ULK1: variants seen among roughly 807,000 people sequenced by gnomAD.
The protein encoded by ULK1 is unc-51 like autophagy activating kinase 1.
Under a neutral mutation model 117.5 loss-of-function variants are expected in ULK1, and 48 were observed. The ratio of observed to expected loss-of-function variants is 0.41; its 90% confidence interval spans 0.32 to 0.52. The LOEUF is 0.52. ULK1 is among the 20% of genes least tolerant of loss of function. The probability of loss-of-function intolerance (pLI) is 0.29; values close to 1 mark genes in which losing one functional copy is unlikely to be tolerated. For synonymous variants in ULK1, 790 were observed against 637.8 expected, an observed-to-expected ratio of 1.24 and a Z score of -3.60; for missense variants, 1,387 against 1,473.4, an observed-to-expected ratio of 0.94 and a Z score of 0.96.
intron 19 of ULK1, 58 bp downstream of exon 19, chr12:131,916,217 T>A: frequency 1.3e-6 from 2 of 1,581,714 alleles, no homozygotes; most frequent in Non-Finnish European, 1.7e-6. Flanking sequence ...TGTGTGGGAA[T>A]GGCCAGTCCT....
chr12:131,915,453 T>A (rs755021063), intron 18 of ULK1, 32 bp downstream of exon 18: 1 of 1,605,954 alleles, frequency 6.2e-7, no homozygotes, highest in South Asian at 1.1e-5. Flanking sequence ...GAGGGGGTGC[T>A]AGGCTGACCT....
At chr12:131,905,330 C>T (rs925498948) in intron 3 of ULK1, among the ~76,000 whole-genome samples, 2 of 152,116 alleles carry the variant, frequency 1.3e-5, no homozygotes, top group African/African-American at 4.8e-5. Flanking sequence ...GGCTGTCCCC[C>T]CCACCAGGGG....
chr12:131,900,727 C>T (rs1889051854), intron 3 of ULK1, among the ~76,000 whole-genome samples: 1 of 152,270 alleles, frequency 6.6e-6, no homozygotes, highest in South Asian at 2.1e-4. Flanking sequence ...GCCCTGCAGA[C>T]AGAGCCGCTG....
chr12:131,916,151 C>G lies in ULK1; in HGVS notation c.1870C>G (p.Pro624Ala). ...RNPLPPILGS[P>A]TKAVPSFDFP... ...CCCCCTGCCCCCCATCCTGGGCTCC[C>G]CCACCAAGGTAATGGGCACTGCCAT... Residue 624 changes from proline to alanine, a missense_variant, in exon 19 of 28, where the codon CCC (proline) becomes GCC (alanine). Coordinates refer to ENST00000321867, the MANE Select transcript of ULK1 (RefSeq NM_003565.4). 1 of 1,611,582 alleles carries G rather than the reference C, an allele frequency of 6.2e-7. No individual in the cohort carries two copies.
At position 131,910,702 on chromosome 12, in the gene ULK1, T is replaced by C. The variant is rs760166758; in HGVS notation, c.860-10T>C. ...GATGGCCCAGACTGACCTATGCATGTTTATCTCAGCCCCACCCGTGCCTGT... is the reference window on the plus strand; with the variant it reads ...GATGGCCCAGACTGACCTATGCATGCTTATCTCAGCCCCACCCGTGCCTGT... On this transcript the variant is annotated splice_polypyrimidine_tract_variant and intron_variant, in intron 11 of 27. Transcript: ENST00000321867. 3 of 1,613,014 alleles carry C rather than the reference T, an allele frequency of 1.9e-6. No homozygotes were observed. The Admixed American group carries it at 5.0e-5, about 27-fold the overall frequency.
intron 8 of ULK1, among the ~76,000 whole-genome samples, chr12:131,909,444 C>T (rs1012212634): frequency 6.6e-6 from 1 of 152,150 alleles, no homozygotes; most frequent in Non-Finnish European, 1.5e-5. Flanking sequence ...CTGGGAGCTG[C>T]CCCCGGCAAG....
Position 131,902,307 on chromosome 12 carries a change from G to A in ULK1, c.247-4585G>A, listed in dbSNP as rs1889122090. Among the ~76,000 whole-genome samples, 1 of 152,192 alleles carries A rather than the reference G, an allele frequency of 6.6e-6. No homozygotes were observed. The highest frequency in any genetic ancestry group is 6.5e-5 in the Admixed American group (1 of 15,282). On this transcript the variant is annotated intron_variant, in intron 3 of 27. Coordinates refer to ENST00000321867, the MANE Select transcript of ULK1 (RefSeq NM_003565.4). The surrounding 1 kb of genome is among the most constrained non-coding windows in gnomAD (Gnocchi z 6.3). ...GGTCAGTGCCTGCTCACCAGGCCCA[G>A]CCCAGGATCACCAGACAAGAGTAGG...
In ULK1 at chr12:131,917,101, G is replaced by GCTC. The variant is rs780838941; in HGVS notation, c.2182+39_2182+40insCTC. The stretch of plus-strand genomic sequence containing the variant: ...TGGGGCTCGGAGGCTGTGGGATGGG[G>GCTC]GTCGGAGGCTGTGGGATGGGGGTCG... On this transcript the variant is annotated intron_variant, in intron 21 of 27. Coordinates refer to ENST00000321867, the MANE Select transcript of ULK1 (RefSeq NM_003565.4). 74 of 1,341,242 alleles carry GCTC rather than the reference G, an allele frequency of 5.5e-5. 6 individuals are homozygous for GCTC. Among genetic ancestry groups the GCTC allele is most frequent in the South Asian group, 1.0e-4 (7 of 69,586 alleles). 83.1% of individuals were successfully genotyped at this position (1,341,242 alleles called of 1,614,324 possible).
chr12:131,905,065 G>A (rs1889221963), intron 3 of ULK1, among the ~76,000 whole-genome samples: 1 of 152,158 alleles, frequency 6.6e-6, no homozygotes, highest in African/African-American at 2.4e-5. Flanking sequence ...GTGGGCTGAG[G>A]CCTGCCTCAT....
rs770836895 is a variant in ULK1, at chr12:131,921,371, C to A, written c.*10C>A. ...TGGCATCTGTGCCTGACCTTTCTGG[C>A]CTGGCTGGGCCCCCCGTCCTGCCGA... On this transcript the variant is annotated 3_prime_UTR_variant, in exon 28 of 28. Coordinates refer to ENST00000321867, the MANE Select transcript of ULK1 (RefSeq NM_003565.4). 5 of 1,602,106 alleles carry A rather than the reference C, an allele frequency of 3.1e-6. No homozygotes were observed. The Admixed American group carries it at 8.3e-5, about 27-fold the overall frequency.
chr12:131,913,284 AT>A, intron 14 of ULK1, 26 bp downstream of exon 14: 1 of 1,520,036 alleles, frequency 6.6e-7, no homozygotes, highest in Non-Finnish European at 8.8e-7. Flanking sequence ...TTACCTCTGT[AT>A]TTTAGGGGAG....
At chr12:131,898,065 G>GA (rs1282874836) in intron 3 of ULK1, 2 of 152,258 alleles carry the variant, frequency 1.3e-5, no homozygotes, top group African/African-American at 4.8e-5. Flanking sequence ...CTTCCTCTGT[G>GA]AAGCAGAAAG....
chr12:131,919,754 G>A (rs1672516751), intron 25 of ULK1, 164 bp downstream of exon 25: 1 of 1,036,910 alleles, frequency 9.6e-7, no homozygotes, highest in Non-Finnish European at 1.4e-6. Flanking sequence ...AGGCCATTGG[G>A]TCGGACAGCA....
Position 131,921,335 on chromosome 12 carries a change from G to A in ULK1, c.3127G>A (p.Ala1043Thr). The change falls in exon 28 of 28, where the codon GCG becomes ACG. Residue 1043 changes from alanine (A) to threonine (T), a missense_variant. By Grantham distance (58) the Ala-to-Thr change is moderately conservative. Transcript: ENST00000321867. ...CKLCIERRLS[A>T]LLTGICA is the part of the protein sequence containing the mutation. ...GCTGTGCATTGAGCGGAGACTCTCG[G>A]CGCTGCTGACTGGCATCTGTGCCTG... The A allele has an allele frequency of 6.2e-7, 1 of 1,605,764 alleles. No individual in the cohort carries two copies. The highest frequency in any genetic ancestry group is 8.5e-7 in the Non-Finnish European group (1 of 1,179,944).
At chr12:131,895,552 G>C in intron 1 of ULK1, 49 bp from the exon 2 acceptor site, 2 of 1,531,060 alleles carry the variant, frequency 1.3e-6, no homozygotes, top group Non-Finnish European at 1.8e-6. Context: ...GTCTGGGGGA[G>C]GCCTGCGAGG....
intron 22 of ULK1, 50 bp from the exon 23 acceptor site, chr12:131,918,447 C>T: frequency 6.4e-7 from 1 of 1,556,200 alleles, no homozygotes; most frequent in Non-Finnish European, 8.7e-7. Context: ...TGGATGGGGG[C>T]CACGGTGTCT....
At chr12:131,914,549 A>G (rs1466113274) in intron 16 of ULK1, 72 bp downstream of exon 16, 9 of 1,543,806 alleles carry the variant, frequency 5.8e-6, no homozygotes, top group Admixed American at 3.8e-5. Flanking sequence ...CACGGCTCCC[A>G]TAGAGGGACA....
At chr12:131,910,634 G>C (rs1383729995) in intron 11 of ULK1, 78 bp from the exon 12 acceptor site, 4 of 1,612,170 alleles carry the variant, frequency 2.5e-6, no homozygotes, top group Non-Finnish European at 3.4e-6. Flanking sequence ...GGTTGAGCTT[G>C]TCCAGTCTGT....
Position 131,915,882 on chromosome 12 carries a change from T to C in ULK1, c.1610-9T>C, listed in dbSNP as rs1343930216. ...CCGGAAGGTCGTGACGAGGCGTGTCTCTCTCTAGGCTCCTCTGCACCCGAG... is the reference window on the plus strand; with the variant it reads ...CCGGAAGGTCGTGACGAGGCGTGTCCCTCTCTAGGCTCCTCTGCACCCGAG... On this transcript the variant is annotated splice_polypyrimidine_tract_variant and intron_variant, in intron 18 of 27. Transcript: ENST00000321867. 1 of 1,608,504 alleles carries C rather than the reference T, an allele frequency of 6.2e-7. No homozygotes were observed. Among genetic ancestry groups the C allele is most frequent in the African/African-American group, 1.3e-5 (1 of 74,888 alleles).
Sources: gnomAD v4.1 joint callset for allele counts (sites outside exome capture counted in the v4.1 genomes callset) on GRCh38, gnomAD v4.1.1 for gene constraint, Gnocchi (gnomAD v3.1) non-coding constraint, MANE v1.5 for transcripts, NCBI Gene and HGNC (gene_info 2026-07-23, HGNC 2026-07-21) for gene names.